The following PPP3CA variants were observed in gnomAD, a reference collection of about 807,000 sequenced individuals.
PPP3CA encodes the protein CAM-PRP catalytic subunit.
A neutral mutation model predicts 66.5 loss-of-function variants in PPP3CA; 14 were observed. That is an observed-to-expected ratio of 0.21 (90% CI 0.14 to 0.33). PPP3CA has a LOEUF of 0.33. Among genes scored for constraint, PPP3CA ranks in the 10% least tolerant of loss-of-function variants. The pLI is 1.00. For missense variants in PPP3CA, 317 were observed against 639.5 expected (o/e 0.50, Z 5.44); for synonymous variants, 232 against 226.2 (o/e 1.03, Z -0.23).
intron 2 of PPP3CA, among the ~76,000 whole-genome samples, chr4:101,193,021 T>C (rs553240249): frequency 6.6e-6 from 1 of 152,340 alleles, no homozygotes; most frequent in South Asian, 2.1e-4. Context: ...GGAACACATT[T>C]TGGTTTTAAA....
At chr4:101,088,558 C>T (rs1447885389) in intron 6 of PPP3CA, among the ~76,000 whole-genome samples, 1 of 130,748 alleles carries the variant, frequency 7.6e-6, no homozygotes, top group African/African-American at 3.0e-5. Flanking sequence ...GCTCTCCAGC[C>T]TGGGCGACAG....
intron 1 of PPP3CA, among the ~76,000 whole-genome samples, chr4:101,278,710 A>G (rs1727588955): frequency 6.6e-6 from 1 of 152,174 alleles, no homozygotes; most frequent in Non-Finnish European, 1.5e-5. Flanking sequence ...TACAACTTTT[A>G]TCTTCAAAGC....
At chr4:101,330,625 C>T (rs2583394) in intron 1 of PPP3CA, among the ~76,000 whole-genome samples, 67,088 of 151,936 alleles carry the variant, frequency 0.44, 17,424 homozygotes, top group African/African-American at 0.72. Context: ...ACTAGCTTTC[C>T]TGTGATATTC....
chr4:101,026,759 A>G (rs1241799750), intron 13 of PPP3CA, among the ~76,000 whole-genome samples: 2 of 152,222 alleles, frequency 1.3e-5, no homozygotes, highest in Non-Finnish European at 2.9e-5. Context: ...TAAGGTCACT[A>G]GGTAGAAATG....
chr4:101,271,780 T>C (rs1727343424), intron 1 of PPP3CA, among the ~76,000 whole-genome samples: 1 of 152,050 alleles, frequency 6.6e-6, no homozygotes, highest in South Asian at 2.1e-4. Context: ...TAAACTAATA[T>C]AGTGTAGATA....
chr4:101,289,590 GATTA>G (rs1312907385), intron 1 of PPP3CA, among the ~76,000 whole-genome samples: 9 of 152,206 alleles, frequency 5.9e-5, no homozygotes, highest in Non-Finnish European at 1.0e-4. Context: ...ATCATTTCAT[GATTA>G]ATTATCAGGT....
chr4:101,032,450 T>TAAGCA (rs1727015038), intron 11 of PPP3CA, 86 bp from the exon 12 acceptor site: 2 of 1,091,240 alleles, frequency 1.8e-6, no homozygotes, highest in Non-Finnish European at 2.7e-6. Context: ...AAAATGCATA[T>TAAGCA]AAGCACCCAC....
chr4:101,338,909 C>A (rs547545497), intron 1 of PPP3CA, among the ~76,000 whole-genome samples: 6 of 152,360 alleles, frequency 3.9e-5, no homozygotes, highest in African/African-American at 1.4e-4. Flanking sequence ...ATTCCTGACT[C>A]AGGTTCCATC....
At chr4:101,054,545 TATTC>T (rs1728145404) in intron 10 of PPP3CA, among the ~76,000 whole-genome samples, 2 of 151,236 alleles carry the variant, frequency 1.3e-5, no homozygotes, top group African/African-American at 4.9e-5. Context: ...GAAAATAATA[TATTC>T]ATACCCTTAG....
At chr4:101,095,143 A>T (rs1439941999) in intron 5 of PPP3CA, among the ~76,000 whole-genome samples, 1 of 152,182 alleles carries the variant, frequency 6.6e-6, no homozygotes, top group East Asian at 1.9e-4. Context: ...GCCACAAAAT[A>T]TTCATTGCAA....
intron 2 of PPP3CA, among the ~76,000 whole-genome samples, chr4:101,137,913 T>C (rs1032383977): frequency 6.7e-6 from 1 of 148,810 alleles, no homozygotes; most frequent in South Asian, 2.1e-4. Flanking sequence ...TCCACACACA[T>C]GCACAAAAAA....
chr4:101,168,208 G>C (rs1270288722), intron 2 of PPP3CA, among the ~76,000 whole-genome samples: 1 of 152,212 alleles, frequency 6.6e-6, no homozygotes, highest in East Asian at 1.9e-4. Context: ...CTTTCAGACA[G>C]ACTGTGTACA....
chr4:101,119,762 C>T lies in PPP3CA; in HGVS notation c.260-10684G>A, dbSNP rs145467402. On this transcript the variant is annotated intron_variant, in intron 2 of 13. Coordinates refer to ENST00000394854, the MANE Select transcript of PPP3CA (RefSeq NM_000944.5). Reference sequence around the variant, plus strand: ...TGGCAATTATAGGCAGTGGGAATATCAGCAGAAGGGTTTTGGCTAAAATTG... The same window carrying T: ...TGGCAATTATAGGCAGTGGGAATATTAGCAGAAGGGTTTTGGCTAAAATTG... 8.6e-4 allele frequency among the ~76,000 whole-genome samples: 131 copies of T among 152,120 alleles called. 1 individual carries two copies. The East Asian group carries it at 0.024, about 28-fold the overall frequency.
At position 101,074,771 on chromosome 4, in the gene PPP3CA, G is replaced by A. The variant is rs557913304; in HGVS notation, c.955+5761C>T. Among the ~76,000 whole-genome samples, 16 of 152,272 alleles carry A rather than the reference G, an allele frequency of 1.1e-4. No individual in the cohort carries two copies. In the South Asian group the frequency reaches 2.9e-3, roughly 28 times the overall value. ...TTTTTATCAGCAATTATATCAAGTT[G>A]CTAATTTATGAGTCCAAAACATCAT... On this transcript the variant is annotated intron_variant, in intron 8 of 13. Transcript: ENST00000394854.
chr4:101,273,727 C>T (rs916864507), intron 1 of PPP3CA, among the ~76,000 whole-genome samples: 1 of 152,058 alleles, frequency 6.6e-6, no homozygotes, highest in Non-Finnish European at 1.5e-5. Flanking sequence ...CTTCAATATA[C>T]ATAAATCCTC....
intron 1 of PPP3CA, among the ~76,000 whole-genome samples, chr4:101,336,975 C>T (rs1174990097): frequency 6.6e-6 from 1 of 152,186 alleles, no homozygotes; most frequent in South Asian, 2.1e-4. Flanking sequence ...CCCTACATCC[C>T]CCAATCCTTC....
At chr4:101,053,547 T>A (rs529113390) in intron 10 of PPP3CA, among the ~76,000 whole-genome samples, 1 of 152,118 alleles carries the variant, frequency 6.6e-6, no homozygotes, top group East Asian at 1.9e-4. Flanking sequence ...ATAAATTCAG[T>A]TATTACTTAA....
intron 2 of PPP3CA, among the ~76,000 whole-genome samples, chr4:101,119,825 T>G (rs1721968968): frequency 6.6e-6 from 1 of 152,034 alleles, no homozygotes; most frequent in Admixed American, 6.6e-5. Context: ...TTCCAGTAAG[T>G]GAACAAAGCT....
intron 1 of PPP3CA, among the ~76,000 whole-genome samples, chr4:101,325,029 T>C (rs960379939): frequency 6.6e-6 from 1 of 152,034 alleles, no homozygotes; most frequent in African/African-American, 2.4e-5. Context: ...AAAACAACAA[T>C]AACAATACTA....
Sources: gnomAD v4.1 joint callset for allele counts (sites outside exome capture counted in the v4.1 genomes callset) on GRCh38, gnomAD v4.1.1 for gene constraint, MANE v1.5 for transcripts, NCBI Gene and HGNC (gene_info 2026-07-23, HGNC 2026-07-21) for gene names.